The following TAF9 variants were observed in gnomAD, a reference collection of about 807,000 sequenced individuals.
TAF9 encodes the protein transcription initiation factor TFIID subunit 9.
In TAF9, 10 loss-of-function variants were observed where a neutral mutation model predicts 16.5. That is an observed-to-expected ratio of 0.61 (90% CI 0.37 to 1.03). TAF9 has a LOEUF of 1.03. TAF9 is among the 50% of genes least tolerant of loss of function. The pLI is 0.01. For synonymous variants in TAF9, 105 were observed against 120.5 expected, an observed-to-expected ratio of 0.87 and a Z score of 0.84; for missense variants, 288 against 319.1, an observed-to-expected ratio of 0.90 and a Z score of 0.74.
In TAF9 at chr5:69,364,935, AG is replaced by A. The variant is rs1762349757; in HGVS notation, c.*7del. 4 of 1,601,094 alleles carry A rather than the reference AG, an allele frequency of 2.5e-6. No homozygotes were observed. In the Middle Eastern group the frequency reaches 5.0e-4, roughly 202 times the overall value. Reference sequence around the variant, plus strand: ...CCAAGTATACATGTTACATTCAGCAAGGCTAGATTACAGATTATCATAGTCA... The same window carrying A: ...CCAAGTATACATGTTACATTCAGCAAGCTAGATTACAGATTATCATAGTCA... On this transcript the variant is annotated 3_prime_UTR_variant, in exon 3 of 3. Transcript: ENST00000217893.
rs1762698183 is a variant in TAF9 at position 69,369,137 on chromosome 5, T to A, written c.-111+326A>T. 6.7e-6 allele frequency: 3 copies of A among 447,196 alleles called. No homozygotes were observed. The South Asian group carries it at 1.3e-4, about 19-fold the overall frequency. The allele number at this position is 447,196 out of a possible 1,614,324, so 27.7% of individuals were successfully genotyped here. ...TCCCAAGGCCAACCCTGCCAAAGAA[T>A]CAACAACCCATTTTACAAACGAAAT... On this transcript the variant is annotated intron_variant, in intron 1 of 2. Coordinates refer to ENST00000217893, the MANE Select transcript of TAF9 (RefSeq NM_003187.5).
chr5:69,367,695 G>C (rs966267039), intron 1 of TAF9: 3 of 152,104 alleles, frequency 2.0e-5, no homozygotes, highest in African/African-American at 4.8e-5. Context: ...TAGGACCACA[G>C]GTATGCACCA....
chr5:69,365,187 C>T lies in TAF9; in HGVS notation c.551G>A (p.Gly184Asp). ...AGGCATCTGTACTGTAAACCTTTGACCTGTGAGGGACATGGGAGTCCCTAC... is the reference window on the plus strand; with the variant it reads ...AGGCATCTGTACTGTAAACCTTTGATCTGTGAGGGACATGGGAGTCCCTAC... ...TKVGTPMSLT[G>D]QRFTVQMPTS... Residue 184 changes from glycine (G) to aspartate (D), a missense_variant, in exon 3 of 3, where the codon GGT (glycine) becomes GAT (aspartate). Gly to Asp is a moderately conservative substitution (Grantham distance 94, BLOSUM62 -1). Coordinates refer to ENST00000217893, the MANE Select transcript of TAF9 (RefSeq NM_003187.5). 1 of 1,614,182 alleles carries T rather than the reference C, an allele frequency of 6.2e-7. No individual in the cohort carries two copies. Among genetic ancestry groups the T allele is most frequent in the Non-Finnish European group, 8.5e-7 (1 of 1,180,036 alleles).
At position 69,364,850 on chromosome 5, in the gene TAF9, T is replaced by TCAA. The variant is rs948048798; in HGVS notation, c.*92_*93insTTG. 11 of 1,204,456 alleles carry TCAA rather than the reference T, an allele frequency of 9.1e-6. No homozygotes were observed. The African/African-American group carries it at 1.4e-4, about 15-fold the overall frequency. 74.6% of individuals were successfully genotyped at this position (1,204,456 alleles called of 1,614,324 possible). A position where few individuals can be genotyped will look rare whatever the true frequency, so the allele number is the denominator to read the frequency against. ...TGTTTACTCATTATTATTAGTTTTCTAAAACACAACTTGAAAACATCCAGC... is the reference window on the plus strand; with the variant it reads ...TGTTTACTCATTATTATTAGTTTTCTCAAAAAACACAACTTGAAAACATCCAGC... On this transcript the variant is annotated 3_prime_UTR_variant, in exon 3 of 3. Transcript: ENST00000217893.
In TAF9 at chr5:69,366,515, A is replaced by T; in HGVS notation, c.-30T>A. 6.2e-7 allele frequency: 1 copy of T among 1,613,752 alleles called. No homozygotes were observed. The highest frequency in any genetic ancestry group is 8.5e-7 in the Non-Finnish European group (1 of 1,179,866). ...AAGTGTCCCTTACCTTCTCGAGCTAAATCACCCACATTAATGTATTTCAGT... is the reference window on the plus strand; with the variant it reads ...AAGTGTCCCTTACCTTCTCGAGCTATATCACCCACATTAATGTATTTCAGT... On this transcript the variant is annotated 5_prime_UTR_variant, in exon 2 of 3. Transcript: ENST00000217893.
intron 1 of TAF9, 93 bp from the exon 2 acceptor site, chr5:69,366,688 A>T: frequency 1.6e-5 from 15 of 924,560 alleles, no homozygotes; most frequent in Non-Finnish European, 2.3e-5. Flanking sequence ...TTTGAGACAG[A>T]GTCTCACCTG....
At chr5:69,365,775 A>G in intron 2 of TAF9, 21 bp from the exon 3 acceptor site, 1 of 1,470,562 alleles carries the variant, frequency 6.8e-7, no homozygotes, top group Non-Finnish European at 9.1e-7. Context: ...TTTGAAAAAA[A>G]TATGTACATT....
At position 69,368,448 on chromosome 5, in the gene TAF9, T is replaced by C. The variant is rs58228313; in HGVS notation, c.-111+1015A>G. On this transcript the variant is annotated intron_variant, in intron 1 of 2. Transcript: ENST00000217893. ...AACCCTGGACTCAACATGTTTTCAATAAAATGTTCACTTTAAAGTTTTGAC... is the reference window on the plus strand; with the variant it reads ...AACCCTGGACTCAACATGTTTTCAACAAAATGTTCACTTTAAAGTTTTGAC... 1.2e-3 allele frequency among the ~76,000 whole-genome samples: 182 copies of C among 152,320 alleles called. 2 individuals carry two copies. The East Asian group carries it at 0.02, about 16-fold the overall frequency.
In TAF9 at chr5:69,364,744, C is replaced by T. The variant is rs987012351; in HGVS notation, c.*199G>A. 9 of 661,998 alleles carry T rather than the reference C, an allele frequency of 1.4e-5. No individual in the cohort carries two copies. The highest frequency in any genetic ancestry group is 1.3e-4 in the East Asian group (5 of 39,638). 41.0% of individuals were successfully genotyped at this position (661,998 alleles called of 1,614,324 possible). On this transcript the variant is annotated 3_prime_UTR_variant, in exon 3 of 3. Transcript: ENST00000217893. ...ACATAACTGCCAAAGCACCAACAAT[C>T]GAATGAATGACAACTTTATTTTTCT...
Position 69,369,453 on chromosome 5 carries a change from G to C in TAF9, c.-111+10C>G. The C allele has an allele frequency of 6.2e-7, 1 of 1,609,824 alleles. No homozygotes were observed. Among genetic ancestry groups the C allele is most frequent in the Non-Finnish European group, 8.5e-7 (1 of 1,178,890 alleles). On this transcript the variant is annotated intron_variant, in intron 1 of 2. Transcript: ENST00000217893. Reference sequence around the variant, plus strand: ...CCCCAGCCCAGTCCCTCCCGGCCGCGCGCCCTGACCGGTGAGCAGGATGTT... The same window carrying C: ...CCCCAGCCCAGTCCCTCCCGGCCGCCCGCCCTGACCGGTGAGCAGGATGTT...
At chr5:69,369,398 A>G in intron 1 of TAF9, 65 bp downstream of exon 1, 1 of 1,571,144 alleles carries the variant, frequency 6.4e-7, no homozygotes, top group Non-Finnish European at 8.6e-7. Flanking sequence ...TGGGCGCCCG[A>G]TGCCCAGAGC....
chr5:69,369,340 T>C (rs1262209102), intron 1 of TAF9, 123 bp downstream of exon 1: 2 of 998,146 alleles, frequency 2.0e-6, no homozygotes, highest in East Asian at 4.1e-5. Context: ...GACAACCGCC[T>C]CGTGGCCCTC....
chr5:69,367,562 T>C (rs1762504087), intron 1 of TAF9, among the ~76,000 whole-genome samples: 1 of 151,796 alleles, frequency 6.6e-6, no homozygotes. Context: ...TTATTTACCT[T>C]TTTCTTTTTT....
rs755421640 is a variant in TAF9 at position 69,365,255 on chromosome 5, T to C, written c.483A>G (p.Thr161=). The part of the protein sequence containing the change: ...GSVTSRPSTP[T]LGTPTPQTMS... ...TGGTCTGTGGGGTTGGTGTGCCTAG[T>C]GTGGGAGTACTTGGTCTGCTAGTAA... is the stretch of plus-strand genomic sequence containing the variant. Residue 161 remains threonine (T), a synonymous_variant, in exon 3 of 3, where the codon ACA becomes ACG. Transcript: ENST00000217893. 4 of 1,614,076 alleles carry C rather than the reference T, an allele frequency of 2.5e-6. No homozygotes were observed. The Admixed American group carries it at 5.0e-5, about 20-fold the overall frequency.
At chr5:69,369,242 C>CCCCCCCCA in intron 1 of TAF9, 1 of 252,652 alleles carries the variant, frequency 4.0e-6, no homozygotes. Context: ...CCCCGCCCCC[C>CCCCCCCCA]CCCGGAGCCT....
At position 69,365,507 on chromosome 5, in the gene TAF9, G is replaced by C; in HGVS notation, c.231C>G (p.Cys77Trp). The change falls in exon 3 of 3, where the codon TGC becomes TGG. Residue 77 changes from cysteine (C) to tryptophan (W), a missense_variant. Coordinates refer to ENST00000217893, the MANE Select transcript of TAF9 (RefSeq NM_003187.5). ...DADDVRLAIQ[C>W]RADQSFTSPP... is the part of the protein sequence containing the mutation. ...GAGAGGTAAAAGACTGATCAGCGCG[G>C]CACTGGATTGCCAATCGCACATCAT... 1 of 1,613,882 alleles carries C rather than the reference G, an allele frequency of 6.2e-7. No homozygotes were observed. Among genetic ancestry groups the C allele is most frequent in the East Asian group, 2.2e-5 (1 of 44,892 alleles).
upstream of TAF9, chr5:69,369,680 G>A (rs1224859108): frequency 4.5e-6 from 7 of 1,555,128 alleles, no homozygotes; most frequent in Middle Eastern, 6.7e-4. Context: ...ACACATTTCC[G>A]TCGCAAAGTT....
In TAF9 at chr5:69,369,455, G is replaced by A; in HGVS notation, c.-111+8C>T. The A allele has an allele frequency of 6.2e-7, 1 of 1,610,350 alleles. No individual in the cohort carries two copies. Among genetic ancestry groups the A allele is most frequent in the Non-Finnish European group, 8.5e-7 (1 of 1,179,052 alleles). ...CCAGCCCAGTCCCTCCCGGCCGCGC[G>A]CCCTGACCGGTGAGCAGGATGTTCG... On this transcript the variant is annotated splice_region_variant and intron_variant, in intron 1 of 2. Coordinates refer to ENST00000217893, the MANE Select transcript of TAF9 (RefSeq NM_003187.5).
Position 69,366,493 on chromosome 5 carries a change from T to G in TAF9, c.-18+10A>C. 6.2e-7 allele frequency: 1 copy of G among 1,605,598 alleles called. No individual in the cohort carries two copies. The highest frequency in any genetic ancestry group is 8.5e-7 in the Non-Finnish European group (1 of 1,174,634). On this transcript the variant is annotated intron_variant, in intron 2 of 2. Coordinates refer to ENST00000217893, the MANE Select transcript of TAF9 (RefSeq NM_003187.5). Reference sequence around the variant, plus strand: ...AAACAAAACAAATCTAACACCAAAGTGTCCCTTACCTTCTCGAGCTAAATC... The same window carrying G: ...AAACAAAACAAATCTAACACCAAAGGGTCCCTTACCTTCTCGAGCTAAATC...
Sources: gnomAD v4.1 joint callset for allele counts (sites outside exome capture counted in the v4.1 genomes callset) on GRCh38, gnomAD v4.1.1 for gene constraint, MANE v1.5 for transcripts, NCBI Gene and HGNC (gene_info 2026-07-23, HGNC 2026-07-21) for gene names.